IL12RB2: variants seen among roughly 807,000 people sequenced by gnomAD.
The protein encoded by IL12RB2 is interleukin 12 receptor subunit beta 2, also known as interleukin-12 receptor subunit beta-2.
Under a neutral mutation model 89.4 loss-of-function variants are expected in IL12RB2, and 82 were observed. The observed-to-expected ratio is 0.92, with a 90% CI of 0.77 to 1.10. The LOEUF (loss-of-function observed/expected upper bound fraction) is 1.10, where lower values mean the gene tolerates loss of function less well. Ranked by LOEUF, IL12RB2 falls within the 50% of genes least tolerant of loss-of-function variation. The pLI is 0.00. For missense variants in IL12RB2, 963 were observed against 1,031.9 expected, an observed-to-expected ratio of 0.93 and a Z score of 0.92; for synonymous variants, 368 against 370.1, an observed-to-expected ratio of 0.99 and a Z score of 0.07.
At chr1:67,347,445 T>G (rs1379308130) in intron 9 of IL12RB2, among the ~76,000 whole-genome samples, 1 of 152,174 alleles carries the variant, frequency 6.6e-6, no homozygotes, top group African/African-American at 2.4e-5. Context: ...AGATCTTTAA[T>G]TAAAAATAAA....
intron 10 of IL12RB2, among the ~76,000 whole-genome samples, chr1:67,351,816 T>A (rs1307211728): frequency 6.6e-6 from 1 of 152,172 alleles, no homozygotes; most frequent in Non-Finnish European, 1.5e-5. Context: ...CCTCTGAAAA[T>A]TAACTTCTCA....
rs537213110 is a variant in IL12RB2 at position 67,336,046 on chromosome 1, GT to G, written c.959-2577del. On this transcript the variant is annotated intron_variant, in intron 8 of 16. Transcript: ENST00000674203. ...TAATTAACTGAAGACATGTACTGCT[GT>G]GGTACAAGTCAACTGGCTTTGACAC... Among the ~76,000 whole-genome samples, 260 of 152,312 alleles carry G rather than the reference GT, an allele frequency of 1.7e-3. 1 individual carries two copies. Among genetic ancestry groups the G allele is most frequent in the African/African-American group, 6.1e-3 (253 of 41,554 alleles).
At chr1:67,370,583 C>T (rs537221340) in intron 11 of IL12RB2, among the ~76,000 whole-genome samples, 1 of 152,206 alleles carries the variant, frequency 6.6e-6, no homozygotes, top group East Asian at 1.9e-4. Context: ...GGGGCAGGGA[C>T]TTTGCTGAAG....
chr1:67,319,292 G>T (rs1265394173), intron 2 of IL12RB2, among the ~76,000 whole-genome samples: 6 of 152,150 alleles, frequency 3.9e-5, no homozygotes, highest in Admixed American at 2.0e-4. Flanking sequence ...AGAATTTAAA[G>T]AATTTGTTAC....
At chr1:67,345,485 A>C (rs959137759) in intron 9 of IL12RB2, among the ~76,000 whole-genome samples, 1 of 152,198 alleles carries the variant, frequency 6.6e-6, no homozygotes, top group African/African-American at 2.4e-5. Flanking sequence ...CATATGAAAA[A>C]GCTTGTTAAA....
At chr1:67,326,531 C>T (rs887242800) in intron 4 of IL12RB2, among the ~76,000 whole-genome samples, 10 of 152,278 alleles carry the variant, frequency 6.6e-5, no homozygotes, top group South Asian at 2.1e-4. Flanking sequence ...GTATTTGATC[C>T]ATATTCACTA....
At chr1:67,334,210 T>G (rs1056351711) in intron 8 of IL12RB2, among the ~76,000 whole-genome samples, 8 of 152,218 alleles carry the variant, frequency 5.3e-5, no homozygotes, top group African/African-American at 1.7e-4. Flanking sequence ...GTGTGAACAA[T>G]TAAATACTAG....
chr1:67,350,767 C>T, intron 9 of IL12RB2, 103 bp from the exon 10 acceptor site: 1 of 1,553,662 alleles, frequency 6.4e-7, no homozygotes, highest in Non-Finnish European at 8.7e-7. Flanking sequence ...AAAAAGGTCA[C>T]TCAGCTGTAG....
At chr1:67,351,212 A>G (rs1660800139) in intron 10 of IL12RB2, 123 bp downstream of exon 10, 1 of 1,513,818 alleles carries the variant, frequency 6.6e-7, no homozygotes, top group Non-Finnish European at 8.9e-7. Flanking sequence ...TGGAGTCAAC[A>G]GCTTTCAGAG....
At chr1:67,375,937 C>T (rs1663929969) in intron 13 of IL12RB2, among the ~76,000 whole-genome samples, 1 of 151,230 alleles carries the variant, frequency 6.6e-6, no homozygotes, top group African/African-American at 2.4e-5. Context: ...AGCTCTGCCT[C>T]CCGGGTTCAC....
chr1:67,394,109 G>T (rs887965044), intron 16 of IL12RB2, among the ~76,000 whole-genome samples: 2 of 152,172 alleles, frequency 1.3e-5, no homozygotes, highest in African/African-American at 2.4e-5. Flanking sequence ...GGAAGCAAAA[G>T]TGTGTGGGGC....
intron 14 of IL12RB2, among the ~76,000 whole-genome samples, chr1:67,383,984 TTGAG>T (rs1392661436): frequency 6.6e-6 from 1 of 152,200 alleles, no homozygotes; most frequent in African/African-American, 2.4e-5. Flanking sequence ...ACAGCTGGCA[TTGAG>T]TGTCTGCAGC....
Position 67,380,918 on chromosome 1 carries a change from A to C in IL12RB2, c.1855+795A>C, listed in dbSNP as rs533532495. Among the ~76,000 whole-genome samples, 4 of 152,218 alleles carry C rather than the reference A, an allele frequency of 2.6e-5. No individual in the cohort carries two copies. In the South Asian group the frequency reaches 8.3e-4, roughly 32 times the overall value. On this transcript the variant is annotated intron_variant, in intron 14 of 16. Coordinates refer to ENST00000674203, the MANE Select transcript of IL12RB2 (RefSeq NM_001374259.2). Reference sequence around the variant, plus strand: ...CTCTACTCCAGTATAACTTCATCTTAATTATATATGCAATGATCCTAATTT... The same window carrying C: ...CTCTACTCCAGTATAACTTCATCTTCATTATATATGCAATGATCCTAATTT...
In IL12RB2 at chr1:67,326,718, G is replaced by T; in HGVS notation, c.365-17G>T. The T allele has an allele frequency of 6.2e-7, 1 of 1,610,858 alleles. No homozygotes were observed. Among genetic ancestry groups the T allele is most frequent in the Non-Finnish European group, 8.5e-7 (1 of 1,178,068 alleles). ...TCACCTGTGTGATATATAAGGTTTTGTCTTTTCTTTTTAAAGTTGCTCCAG... is the reference window on the plus strand; with the variant it reads ...TCACCTGTGTGATATATAAGGTTTTTTCTTTTCTTTTTAAAGTTGCTCCAG... On this transcript the variant is annotated splice_polypyrimidine_tract_variant and intron_variant, in intron 4 of 16. Coordinates refer to ENST00000674203, the MANE Select transcript of IL12RB2 (RefSeq NM_001374259.2).
At chr1:67,311,353 G>A (rs935703224) in intron 1 of IL12RB2, among the ~76,000 whole-genome samples, 1 of 152,176 alleles carries the variant, frequency 6.6e-6, no homozygotes, top group African/African-American at 2.4e-5. Context: ...AAAGCAGTTA[G>A]ACTAACAGAG....
At chr1:67,328,534 T>C in intron 6 of IL12RB2, 150 bp downstream of exon 6, 1 of 1,393,900 alleles carries the variant, frequency 7.2e-7, no homozygotes, top group Non-Finnish European at 9.6e-7. Flanking sequence ...TTGATGCAAG[T>C]AAAAGGGTGC....
chr1:67,322,756 G>C (rs1386200518), intron 4 of IL12RB2, among the ~76,000 whole-genome samples: 1 of 152,208 alleles, frequency 6.6e-6, no homozygotes, highest in African/African-American at 2.4e-5. Flanking sequence ...TGCATTGCTG[G>C]TCCCTTCAGG....
chr1:67,387,358 T>C (rs776504576), intron 15 of IL12RB2, among the ~76,000 whole-genome samples: 1 of 152,138 alleles, frequency 6.6e-6, no homozygotes, highest in Non-Finnish European at 1.5e-5. Context: ...AATCCTGATA[T>C]ATCTTGTACT....
At chr1:67,347,048 CATG>C (rs1207266715) in intron 9 of IL12RB2, among the ~76,000 whole-genome samples, 1 of 152,146 alleles carries the variant, frequency 6.6e-6, no homozygotes, top group Admixed American at 6.5e-5. Context: ...CTACACTGTA[CATG>C]ACAGTATCCT....
Sources: gnomAD v4.1 joint callset for allele counts (sites outside exome capture counted in the v4.1 genomes callset) on GRCh38, gnomAD v4.1.1 for gene constraint, MANE v1.5 for transcripts, NCBI Gene and HGNC (gene_info 2026-07-23, HGNC 2026-07-21) for gene names.